The following DIP2B variants were observed in gnomAD, a reference collection of about 807,000 sequenced individuals.
DIP2B encodes DIP2 acetate--CoA ligase B (putative).
In DIP2B, 76 loss-of-function variants were observed where a neutral mutation model predicts 198.0. That is an observed-to-expected ratio of 0.38 (90% CI 0.32 to 0.46). The LOEUF is 0.46. Among genes scored for constraint, DIP2B ranks in the 20% least tolerant of loss-of-function variants. The pLI, the probability that DIP2B is intolerant of heterozygous loss-of-function variation, is 0.99. For synonymous variants in DIP2B, 701 were observed against 739.1 expected (o/e 0.95, Z 0.84); for missense variants, 1,559 against 1,978.4 (o/e 0.79, Z 4.02).
intron 1 of DIP2B, among the ~76,000 whole-genome samples, chr12:50,590,995 G>C (rs1164658994): frequency 6.6e-6 from 1 of 152,174 alleles, no homozygotes; most frequent in Non-Finnish European, 1.5e-5. Context: ...TGGGATTAAG[G>C]CCCTTATAAA....
At chr12:50,521,094 GT>G (rs386376482) in intron 1 of DIP2B, among the ~76,000 whole-genome samples, 1,759 of 94,282 alleles carry the variant, frequency 0.019, 30 homozygotes, top group African/African-American at 0.067. Flanking sequence ...TTCAGCAACA[GT>G]TTTTTTTTTT....
chr12:50,660,090 CTTT>C (rs79472721), intron 3 of DIP2B, 101 bp from the exon 4 acceptor site: 365 of 923,244 alleles, frequency 4.0e-4, no homozygotes, highest in Non-Finnish European at 4.4e-4. Context: ...TCCCCTTTAC[CTTT>C]TTTTTTTTTT....
At chr12:50,624,748 T>C (rs1000654895) in intron 1 of DIP2B, among the ~76,000 whole-genome samples, 1 of 152,202 alleles carries the variant, frequency 6.6e-6, no homozygotes, top group Non-Finnish European at 1.5e-5. Flanking sequence ...CAGATCTCTG[T>C]AGTAGCACTG....
intron 1 of DIP2B, among the ~76,000 whole-genome samples, chr12:50,536,827 C>T (rs1402278302): frequency 6.6e-6 from 1 of 151,750 alleles, no homozygotes; most frequent in Non-Finnish European, 1.5e-5. Context: ...CCTCGGCCTC[C>T]CAAAGTGCTG....
intron 9 of DIP2B, among the ~76,000 whole-genome samples, chr12:50,681,532 C>A (rs903081870): frequency 6.6e-6 from 1 of 152,006 alleles, no homozygotes; most frequent in African/African-American, 2.4e-5. Context: ...TAAGAAAAAA[C>A]CGATTGACAG....
chr12:50,506,072 A>G (rs1256078662), intron 1 of DIP2B, among the ~76,000 whole-genome samples: 1 of 152,060 alleles, frequency 6.6e-6, no homozygotes, highest in African/African-American at 2.4e-5. Flanking sequence ...CACTGTTATT[A>G]GAGAACTCCT....
chr12:50,557,532 C>T (rs1306836203), intron 1 of DIP2B, among the ~76,000 whole-genome samples: 1 of 152,196 alleles, frequency 6.6e-6, no homozygotes, highest in Non-Finnish European at 1.5e-5. Flanking sequence ...GTGGCAGGGC[C>T]TTCCTAGGCA....
At chr12:50,551,105 AAG>A (rs1417088305) in intron 1 of DIP2B, among the ~76,000 whole-genome samples, 4 of 151,208 alleles carry the variant, frequency 2.6e-5, no homozygotes, top group Non-Finnish European at 5.9e-5. Flanking sequence ...AAAAAAAAGA[AAG>A]AAAGAACATG....
At chr12:50,722,106 G>A (rs1320185996) in intron 26 of DIP2B, among the ~76,000 whole-genome samples, 1 of 152,080 alleles carries the variant, frequency 6.6e-6, no homozygotes, top group Admixed American at 6.6e-5. Context: ...TGACAATTTG[G>A]TGTAAAGATT....
intron 1 of DIP2B, among the ~76,000 whole-genome samples, chr12:50,523,617 G>A (rs1016135587): frequency 1.3e-5 from 2 of 152,074 alleles, no homozygotes; most frequent in Non-Finnish European, 2.9e-5. Flanking sequence ...ATTTAGAAAC[G>A]GAATAGTGAG....
chr12:50,742,168 C>T lies in DIP2B; in HGVS notation c.4478+629C>T, dbSNP rs116198486. Among the ~76,000 whole-genome samples the T allele has an allele frequency of 5.2e-3, 793 of 151,804 alleles. 1 individual carries two copies. Among genetic ancestry groups the T allele is most frequent in the African/African-American group, 0.018 (764 of 41,374 alleles). ...ATCCCAGAACTTTGGGAGGCCAAGG[C>T]GGGCGGATCGCTTAAGCCCAGGAAT... On this transcript the variant is annotated intron_variant, in intron 37 of 37. Coordinates refer to ENST00000301180, the MANE Select transcript of DIP2B (RefSeq NM_173602.3).
intron 3 of DIP2B, among the ~76,000 whole-genome samples, chr12:50,641,866 A>G (rs1938262561): frequency 6.6e-6 from 1 of 152,202 alleles, no homozygotes; most frequent in Admixed American, 6.5e-5. Context: ...TTGTTTTAAG[A>G]AGTGGCAGAA....
At chr12:50,633,923 A>G (rs1593673249) in intron 2 of DIP2B, among the ~76,000 whole-genome samples, 1 of 152,194 alleles carries the variant, frequency 6.6e-6, no homozygotes, top group Non-Finnish European at 1.5e-5. Context: ...CAAGAGCCAT[A>G]CCTTATCTGG....
intron 1 of DIP2B, among the ~76,000 whole-genome samples, chr12:50,577,314 G>A (rs1565830955): frequency 6.6e-6 from 1 of 151,932 alleles, no homozygotes; most frequent in African/African-American, 2.4e-5. Flanking sequence ...GGCGGATCAC[G>A]AGGTCAGGAG....
At position 50,674,631 on chromosome 12, in the gene DIP2B, T is replaced by C; in HGVS notation, c.796+2T>C. On this transcript the variant is annotated splice_donor_variant, in intron 6 of 37. Coordinates refer to ENST00000301180, the MANE Select transcript of DIP2B (RefSeq NM_173602.3). LOFTEE classifies it high-confidence loss of function. ...CCAGCCTTATGGATACAGCTGATGG[T>C]AAGGAGTTGTTTTTGGTAGCTCAAT... 1.2e-6 allele frequency: 2 copies of C among 1,613,864 alleles called. No individual in the cohort carries two copies. Among genetic ancestry groups the C allele is most frequent in the Non-Finnish European group, 1.7e-6 (2 of 1,179,858 alleles).
intron 14 of DIP2B, 78 bp downstream of exon 14, chr12:50,693,091 T>G: frequency 7.4e-7 from 1 of 1,353,212 alleles, no homozygotes; most frequent in South Asian, 1.3e-5. Flanking sequence ...CTGGAGCATC[T>G]CTCAGTGCTT....
At chr12:50,599,672 T>G (rs1392427061) in intron 1 of DIP2B, among the ~76,000 whole-genome samples, 1 of 152,222 alleles carries the variant, frequency 6.6e-6, no homozygotes, top group Non-Finnish European at 1.5e-5. Flanking sequence ...TTGTTTCCCC[T>G]GAAGGGATGG....
Position 50,704,212 on chromosome 12 carries a change from G to A in DIP2B, c.2398G>A (p.Val800Ile), listed in dbSNP as rs1459853354. ...PFIRSGLLGF[V>I]GPGSLVFVVG... is the part of the protein sequence containing the mutation. ...CATCCGATCAGGATTGCTGGGGTTTGTAGGGCCGGTAAGTGATGCTTTCAT... is the reference window on the plus strand; with the variant it reads ...CATCCGATCAGGATTGCTGGGGTTTATAGGGCCGGTAAGTGATGCTTTCAT... The change falls in exon 20 of 38, where the codon GTA (valine) becomes ATA (isoleucine). Residue 800 changes from valine (V) to isoleucine (I), a missense_variant. Transcript: ENST00000301180. The A allele has an allele frequency of 3.1e-6, 5 of 1,610,472 alleles. No homozygotes were observed. The highest frequency in any genetic ancestry group is 2.5e-6 in the Non-Finnish European group (3 of 1,179,292).
chr12:50,523,764 G>A (rs188166333), intron 1 of DIP2B, among the ~76,000 whole-genome samples: 2 of 152,102 alleles, frequency 1.3e-5, no homozygotes, highest in Admixed American at 6.6e-5. Context: ...AAACAATTAC[G>A]TGTGAAAACA....
Sources: gnomAD v4.1 joint callset for allele counts (sites outside exome capture counted in the v4.1 genomes callset) on GRCh38, gnomAD v4.1.1 for gene constraint, MANE v1.5 for transcripts, NCBI Gene and HGNC (gene_info 2026-07-23, HGNC 2026-07-21) for gene names.